Variants in RSPO3 observed in about 807,000 individuals in gnomAD.
RSPO3 encodes the protein R-spondin-3.
RSPO3 carries 17 observed loss-of-function variants against 36.5 expected under a neutral mutation model. The observed-to-expected ratio is 0.47, with a 90% CI of 0.32 to 0.70. RSPO3 has a LOEUF of 0.70. Among genes scored for constraint, RSPO3 ranks in the 30% least tolerant of loss-of-function variants. The pLI is 0.04. For missense variants in RSPO3, 294 were observed against 322.5 expected, an observed-to-expected ratio of 0.91 and a Z score of 0.68; for synonymous variants, 108 against 107.0, an observed-to-expected ratio of 1.01 and a Z score of -0.06.
At position 127,155,448 on chromosome 6, in the gene RSPO3, T is replaced by C; in HGVS notation, c.634+10T>C. On this transcript the variant is annotated intron_variant, in intron 4 of 4. Transcript: ENST00000356698. Reference sequence around the variant, plus strand: ...CAGAAGGGAGAACGAGGTACAATCATAATAACAAAATGTGCTTGTTTGAAT... The same window carrying C: ...CAGAAGGGAGAACGAGGTACAATCACAATAACAAAATGTGCTTGTTTGAAT... The C allele has an allele frequency of 6.2e-7, 1 of 1,609,846 alleles. No individual in the cohort carries two copies. Among genetic ancestry groups the C allele is most frequent in the Non-Finnish European group, 8.5e-7 (1 of 1,176,930 alleles).
intron 4 of RSPO3, among the ~76,000 whole-genome samples, chr6:127,168,012 A>ATGGGCAT (rs1774857188): frequency 6.7e-6 from 1 of 148,976 alleles, no homozygotes; most frequent in Admixed American, 6.7e-5. Flanking sequence ...GTCTGTCATT[A>ATGGGCAT]TTGGGTTGGT....
chr6:127,120,468 C>G (rs1374142995), intron 1 of RSPO3, among the ~76,000 whole-genome samples: 4 of 152,222 alleles, frequency 2.6e-5, no homozygotes, highest in Non-Finnish European at 4.4e-5. Context: ...GGCGTGCAGC[C>G]CAGGCCCAGC....
intron 4 of RSPO3, among the ~76,000 whole-genome samples, chr6:127,184,420 T>G (rs1775249217): frequency 6.6e-6 from 1 of 151,850 alleles, no homozygotes; most frequent in Non-Finnish European, 1.5e-5. Flanking sequence ...ATATACTGGG[T>G]TGCACATAGG....
intron 4 of RSPO3, among the ~76,000 whole-genome samples, chr6:127,166,355 T>C (rs960557348): frequency 6.6e-6 from 1 of 152,024 alleles, no homozygotes; most frequent in African/African-American, 2.4e-5. Flanking sequence ...TCTATCATGT[T>C]AATGAATTGA....
At chr6:127,134,391 AT>A (rs1173306789) in intron 1 of RSPO3, among the ~76,000 whole-genome samples, 2 of 152,192 alleles carry the variant, frequency 1.3e-5, no homozygotes, top group African/African-American at 4.8e-5. Context: ...ACAATAGTTC[AT>A]TAACTGGAAT....
chr6:127,179,622 C>T (rs929005576), intron 4 of RSPO3, among the ~76,000 whole-genome samples: 11 of 151,768 alleles, frequency 7.2e-5, no homozygotes, highest in African/African-American at 2.7e-4. Context: ...TCATAAATTA[C>T]CAAAAACTTA....
At chr6:127,163,915 C>T (rs1774761119) in intron 4 of RSPO3, among the ~76,000 whole-genome samples, 1 of 152,020 alleles carries the variant, frequency 6.6e-6, no homozygotes, top group African/African-American at 2.4e-5. Context: ...CACTTTATCA[C>T]AATATCACTG....
rs1041737050 is a variant in RSPO3 at position 127,171,965 on chromosome 6, A to T, written c.634+16527A>T. Among the ~76,000 whole-genome samples, 3 of 151,624 alleles carry T rather than the reference A, an allele frequency of 2.0e-5. No homozygotes were observed. The East Asian group carries it at 5.8e-4, about 29-fold the overall frequency. On this transcript the variant is annotated intron_variant, in intron 4 of 4. Coordinates refer to ENST00000356698, the MANE Select transcript of RSPO3 (RefSeq NM_032784.5). ...ATGTGTGTGTAGTATTAAATTTTTT[A>T]AAAGTTAGTTAAGACCCAGAGGACC...
rs933090803 is a variant in RSPO3, at chr6:127,157,661, A to G, written c.634+2223A>G. On this transcript the variant is annotated intron_variant, in intron 4 of 4. Coordinates refer to ENST00000356698, the MANE Select transcript of RSPO3 (RefSeq NM_032784.5). ...AAAATGTAGGTGTTTTATTTTTTCA[A>G]ATTTCATAAAATGTAGACTAACAAG... 2.6e-5 allele frequency among the ~76,000 whole-genome samples: 4 copies of G among 152,024 alleles called. No homozygotes were observed. The South Asian group carries it at 6.2e-4, about 24-fold the overall frequency.
chr6:127,155,331 T>C lies in RSPO3; in HGVS notation c.527T>C (p.Val176Ala). Reference sequence around the variant, plus strand: ...TTCAAAAGAGGGACTGAAACACGGGTCCGAGAAATAATACAGCATCCTTCA... The same window carrying C: ...TTCAAAAGAGGGACTGAAACACGGGCCCGAGAAATAATACAGCATCCTTCA... Reference protein sequence around the residue: ...CGFKRGTETRVREIIQHPSAK... With the variant: ...CGFKRGTETRAREIIQHPSAK... Residue 176 changes from valine (V) to alanine (A), a missense_variant, in exon 4 of 5, where the codon GTC (valine) becomes GCC (alanine). Around this residue, in one of 3 missense-constraint regions of RSPO3, gnomAD observed 190 missense variants for 185.2 expected, o/e 1.03. Transcript: ENST00000356698. 6.2e-7 allele frequency: 1 copy of C among 1,613,750 alleles called. No individual in the cohort carries two copies. The highest frequency in any genetic ancestry group is 8.5e-7 in the Non-Finnish European group (1 of 1,179,882).
chr6:127,149,939 G>A (rs985044496), intron 2 of RSPO3, among the ~76,000 whole-genome samples: 3 of 151,968 alleles, frequency 2.0e-5, no homozygotes, highest in Non-Finnish European at 2.9e-5. Context: ...CTCCTAGGAT[G>A]TAAACTTTCT....
chr6:127,150,578 G>A lies in RSPO3; in HGVS notation c.436+6G>A, dbSNP rs1774472210. 2 of 1,603,180 alleles carry A rather than the reference G, an allele frequency of 1.2e-6. No homozygotes were observed. The highest frequency in any genetic ancestry group is 2.2e-5 in the East Asian group (1 of 44,454). ...TATGGAGTGTGTCAGTATTGGTAAG[G>A]AGAACCTGTAATAATTTGAGTAAGT... is the stretch of plus-strand genomic sequence containing the variant. On this transcript the variant is annotated splice_donor_region_variant and intron_variant, in intron 3 of 4. Transcript: ENST00000356698.
rs1338141703 is a variant in RSPO3 at position 127,198,215 on chromosome 6, G to A, written c.*2208G>A. On this transcript the variant is annotated 3_prime_UTR_variant, in exon 5 of 5. Transcript: ENST00000356698. ...CCCTATGGTCCTTCTGACAATGGCA[G>A]AAGGTCTGAATCCTTGATGCTAAAC... Among the ~76,000 whole-genome samples, 1 of 152,220 alleles carries A rather than the reference G, an allele frequency of 6.6e-6. No homozygotes were observed. Among genetic ancestry groups the A allele is most frequent in the African/African-American group, 2.4e-5 (1 of 41,468 alleles).
intron 4 of RSPO3, among the ~76,000 whole-genome samples, chr6:127,164,356 C>T (rs1161679144): frequency 6.6e-6 from 1 of 152,060 alleles, no homozygotes; most frequent in African/African-American, 2.4e-5. Context: ...CAAAACTTAC[C>T]AAATCTAGAA....
At chr6:127,186,282 G>A (rs1467110673) in intron 4 of RSPO3, among the ~76,000 whole-genome samples, 1 of 152,092 alleles carries the variant, frequency 6.6e-6, no homozygotes, top group Non-Finnish European at 1.5e-5. Context: ...AAATGAATGA[G>A]CTGTGGGCCT....
chr6:127,150,812 C>T lies in RSPO3; in HGVS notation c.436+240C>T, dbSNP rs879408569. On this transcript the variant is annotated intron_variant, in intron 3 of 4. Transcript: ENST00000356698. ...TTATTTCTTAGGGACTATTGATAAT[C>T]GTTTCAACCATTCTGTTTATGATAG... Among the ~76,000 whole-genome samples the T allele has an allele frequency of 5.3e-5, 8 of 150,478 alleles. No homozygotes were observed. The East Asian group carries it at 5.9e-4, about 11-fold the overall frequency.
chr6:127,136,394 G>T (rs1774157190), intron 1 of RSPO3, among the ~76,000 whole-genome samples: 1 of 152,118 alleles, frequency 6.6e-6, no homozygotes, highest in African/African-American at 2.4e-5. Context: ...AATTACACAT[G>T]CCGTACTCTC....
At chr6:127,194,303 CAA>C (rs1401565053) in intron 4 of RSPO3, among the ~76,000 whole-genome samples, 1 of 152,084 alleles carries the variant, frequency 6.6e-6, no homozygotes, top group Non-Finnish European at 1.5e-5. Flanking sequence ...ATATTTTTGT[CAA>C]AAGTTACTTA....
At chr6:127,121,181 C>T (rs1773836879) in intron 1 of RSPO3, among the ~76,000 whole-genome samples, 1 of 152,182 alleles carries the variant, frequency 6.6e-6, no homozygotes, top group Admixed American at 6.5e-5. Context: ...AGGCGTCTCG[C>T]TTTGCAGTTT....
Sources: gnomAD v4.1 joint callset for allele counts (sites outside exome capture counted in the v4.1 genomes callset) on GRCh38, gnomAD v4.1.1 for gene constraint, gnomAD v4.1.1 regional missense constraint, MANE v1.5 for transcripts, NCBI Gene and HGNC (gene_info 2026-07-23, HGNC 2026-07-21) for gene names.